Variants in CCBE1 observed in about 807,000 individuals in gnomAD.
CCBE1 encodes the protein collagen and calcium-binding EGF domain-containing protein 1.
A neutral mutation model predicts 50.0 loss-of-function variants in CCBE1; 37 were observed. The ratio of observed to expected loss-of-function variants is 0.74; its 90% confidence interval spans 0.57 to 0.97. The LOEUF (loss-of-function observed/expected upper bound fraction) is 0.97, where lower values mean the gene tolerates loss of function less well. Ranked by LOEUF, CCBE1 falls within the 50% of genes least tolerant of loss-of-function variation. The pLI is 0.00. For missense variants in CCBE1, 538 were observed against 523.8 expected, an observed-to-expected ratio of 1.03 and a Z score of -0.26; for synonymous variants, 234 against 203.7, an observed-to-expected ratio of 1.15 and a Z score of -1.27.
At chr18:59,661,367 G>T (rs2144689069) in intron 2 of CCBE1, among the ~76,000 whole-genome samples, 2 of 152,310 alleles carry the variant, frequency 1.3e-5, no homozygotes, top group South Asian at 4.1e-4. Context: ...CAGAATAGGG[G>T]TTCAATAAAT....
At chr18:59,513,173 T>C (rs898009352) in intron 2 of CCBE1, among the ~76,000 whole-genome samples, 1 of 152,042 alleles carries the variant, frequency 6.6e-6, no homozygotes, top group Non-Finnish European at 1.5e-5. Context: ...CTGGGTGTGG[T>C]GGCAGGCACC....
intron 5 of CCBE1, among the ~76,000 whole-genome samples, chr18:59,462,913 C>T (rs940687986): frequency 6.6e-6 from 1 of 152,172 alleles, no homozygotes; most frequent in Non-Finnish European, 1.5e-5. Flanking sequence ...GCAAATAATA[C>T]TAGAGAAGAT....
chr18:59,697,535 T>A, upstream of CCBE1: 1 of 714,428 alleles, frequency 1.4e-6, no homozygotes, highest in Non-Finnish European at 2.2e-6. Flanking sequence ...GGAGTTGGGG[T>A]ATCGGATGCA....
Position 59,512,429 on chromosome 18 carries a change from A to G in CCBE1, c.213-32191T>C, listed in dbSNP as rs113115860. 1.9e-3 allele frequency among the ~76,000 whole-genome samples: 294 copies of G among 152,370 alleles called. 1 individual carries two copies. Among genetic ancestry groups the G allele is most frequent in the African/African-American group, 6.7e-3 (277 of 41,584 alleles). On this transcript the variant is annotated intron_variant, in intron 2 of 10. Transcript: ENST00000439986. ...TTTGAGCAGTGGGGCACTGAAGCAAAGAGCAACAGTGCCTGCTGCATGCCC... is the reference window on the plus strand; with the variant it reads ...TTTGAGCAGTGGGGCACTGAAGCAAGGAGCAACAGTGCCTGCTGCATGCCC...
rs1430941720 is a variant in CCBE1 at position 59,431,319 on chromosome 18, T to C, written c.*4589A>G. The C allele has an allele frequency of 6.6e-6, 1 of 152,214 alleles. No individual in the cohort carries two copies. Among genetic ancestry groups the C allele is most frequent in the South Asian group, 2.1e-4 (1 of 4,834 alleles). The allele number at this position is 152,214 out of a possible 1,614,324, so 9.4% of individuals were successfully genotyped here. ...TGTTGTGAGATATAAATATTGACTA[T>C]GCCAGGAAAAAATTCATCTATTTCC... is the stretch of plus-strand genomic sequence containing the variant. On this transcript the variant is annotated 3_prime_UTR_variant, in exon 11 of 11. Transcript: ENST00000439986.
chr18:59,490,596 A>G (rs1252333595), intron 2 of CCBE1, among the ~76,000 whole-genome samples: 1 of 152,224 alleles, frequency 6.6e-6, no homozygotes, highest in Non-Finnish European at 1.5e-5. Context: ...GCACGACTAC[A>G]TACAGGCATG....
chr18:59,543,601 C>T (rs939556648), intron 2 of CCBE1, among the ~76,000 whole-genome samples: 1 of 152,026 alleles, frequency 6.6e-6, no homozygotes, highest in East Asian at 1.9e-4. Flanking sequence ...TTTGAGAGGC[C>T]GAGGCGGGCA....
At chr18:59,506,149 CTT>C (rs962052649) in intron 2 of CCBE1, among the ~76,000 whole-genome samples, 9 of 152,166 alleles carry the variant, frequency 5.9e-5, no homozygotes, top group African/African-American at 2.2e-4. Flanking sequence ...ATAACAGTGT[CTT>C]TGTGAGAGAC....
intron 2 of CCBE1, among the ~76,000 whole-genome samples, chr18:59,694,944 A>T (rs1221554339): frequency 6.6e-6 from 1 of 152,206 alleles, no homozygotes; most frequent in South Asian, 2.1e-4. Context: ...ATCTCATAGC[A>T]ATTTGAGTAG....
At chr18:59,463,583 G>A (rs976297409) in intron 5 of CCBE1, among the ~76,000 whole-genome samples, 18 of 152,176 alleles carry the variant, frequency 1.2e-4, no homozygotes, top group Non-Finnish European at 1.9e-4. Context: ...ACCAGTCTCT[G>A]GAAATTCCAT....
intron 2 of CCBE1, among the ~76,000 whole-genome samples, chr18:59,518,136 T>C (rs929674085): frequency 1.3e-5 from 2 of 152,216 alleles, no homozygotes; most frequent in East Asian, 1.9e-4. Flanking sequence ...TCCACCCCCA[T>C]AGCAGGCACA....
intron 2 of CCBE1, among the ~76,000 whole-genome samples, chr18:59,690,360 A>G (rs2144748203): frequency 6.6e-6 from 1 of 152,312 alleles, no homozygotes; most frequent in South Asian, 2.1e-4. Context: ...CATCCCGCAA[A>G]TAAAAGCAAT....
chr18:59,624,949 A>AT (rs2053760307), intron 2 of CCBE1, among the ~76,000 whole-genome samples: 1 of 152,260 alleles, frequency 6.6e-6, no homozygotes, highest in Admixed American at 6.5e-5. Context: ...TAGCTATGCA[A>AT]TAGTATCAAC....
rs759803268 is a variant in CCBE1, at chr18:59,454,849, A to G, written c.654+2T>C. 2 of 1,613,640 alleles carry G rather than the reference A, an allele frequency of 1.2e-6. No homozygotes were observed. Among genetic ancestry groups the G allele is most frequent in the Non-Finnish European group, 1.7e-6 (2 of 1,179,560 alleles). On this transcript the variant is annotated splice_donor_variant, in intron 6 of 10. Transcript: ENST00000439986. LOFTEE classifies it high-confidence loss of function. ...CATCGTTCCCACCCCAGCGGCACGT[A>G]CCTTTTGCTTCAGCTGCAGCACGGT...
intron 2 of CCBE1, among the ~76,000 whole-genome samples, chr18:59,632,160 T>C (rs2053857166): frequency 6.6e-6 from 1 of 152,186 alleles, no homozygotes; most frequent in South Asian, 2.1e-4. Flanking sequence ...CCCAAGCTAT[T>C]CACTTCATTG....
At chr18:59,664,526 C>T (rs2054326347) in intron 2 of CCBE1, among the ~76,000 whole-genome samples, 1 of 152,076 alleles carries the variant, frequency 6.6e-6, no homozygotes, top group African/African-American at 2.4e-5. Flanking sequence ...AACATTCAGC[C>T]CTAAATATAA....
intron 2 of CCBE1, among the ~76,000 whole-genome samples, chr18:59,601,247 A>G (rs763740818): frequency 4.0e-5 from 6 of 151,706 alleles, no homozygotes; most frequent in Non-Finnish European, 8.8e-5. Context: ...GGCTGTGTCC[A>G]CACTCAAATC....
intron 2 of CCBE1, among the ~76,000 whole-genome samples, chr18:59,484,313 C>T (rs887883681): frequency 8.5e-5 from 13 of 152,278 alleles, no homozygotes; most frequent in African/African-American, 2.9e-4. Context: ...GAAAAACCCA[C>T]GTGTTTTTGA....
chr18:59,574,597 C>T (rs1278150510), intron 2 of CCBE1, among the ~76,000 whole-genome samples: 1 of 152,184 alleles, frequency 6.6e-6, no homozygotes, highest in Non-Finnish European at 1.5e-5. Context: ...AACTTCTATA[C>T]TCTATTTTTG....
Sources: gnomAD v4.1 joint callset for allele counts (sites outside exome capture counted in the v4.1 genomes callset) on GRCh38, gnomAD v4.1.1 for gene constraint, MANE v1.5 for transcripts, NCBI Gene and HGNC (gene_info 2026-07-23, HGNC 2026-07-21) for gene names.